BICD1: variants seen among roughly 807,000 people sequenced by gnomAD.
BICD1 encodes BICD cargo adaptor 1.
Under a neutral mutation model 92.5 loss-of-function variants are expected in BICD1, and 35 were observed. The observed-to-expected ratio is 0.38, with a 90% CI of 0.29 to 0.50. BICD1 has a LOEUF of 0.50. Among genes scored for constraint, BICD1 ranks in the 20% least tolerant of loss-of-function variants. The pLI is 0.93. For synonymous variants in BICD1, 429 were observed against 465.1 expected, an observed-to-expected ratio of 0.92 and a Z score of 1.00; for missense variants, 950 against 1,189.8, an observed-to-expected ratio of 0.80 and a Z score of 2.97.
chr12:32,293,612 G>A (rs1369979224), intron 2 of BICD1, among the ~76,000 whole-genome samples: 1 of 152,050 alleles, frequency 6.6e-6, no homozygotes, highest in Non-Finnish European at 1.5e-5. Flanking sequence ...TTACAGGTGT[G>A]AGCCACAGCG....
chr12:32,295,082 G>GAAAAA (rs10647988), intron 3 of BICD1, among the ~76,000 whole-genome samples: 1 of 103,494 alleles, frequency 9.7e-6, no homozygotes, highest in African/African-American at 3.8e-5. Context: ...ATTCCGTCTC[G>GAAAAA]AAAAAAAAAA....
intron 2 of BICD1, among the ~76,000 whole-genome samples, chr12:32,271,148 A>G (rs901631935): frequency 6.6e-6 from 1 of 152,172 alleles, no homozygotes; most frequent in Non-Finnish European, 1.5e-5. Context: ...GAAAGAAAGC[A>G]TGTTCTCATC....
intron 1 of BICD1, 128 bp from the exon 2 acceptor site, chr12:32,216,119 A>C: frequency 1.3e-6 from 1 of 766,416 alleles, no homozygotes; most frequent in Non-Finnish European, 2.1e-6. Context: ...CTAGACTGTT[A>C]TATTTCGGGG....
Position 32,198,237 on chromosome 12 carries a change from G to A in BICD1, c.214-18010G>A, listed in dbSNP as rs1944782407. Reference sequence around the variant, plus strand: ...GAAAAAAAAATTATACTGATGATTTGGGGGAGAGCACCAAATACCCTTAAA... The same window carrying A: ...GAAAAAAAAATTATACTGATGATTTAGGGGAGAGCACCAAATACCCTTAAA... On this transcript the variant is annotated intron_variant, in intron 1 of 9. Transcript: ENST00000652176. Among the ~76,000 whole-genome samples, 5 of 149,958 alleles carry A rather than the reference G, an allele frequency of 3.3e-5. No individual in the cohort carries two copies. The Admixed American group carries it at 3.4e-4, about 10-fold the overall frequency.
At chr12:32,148,353 C>T (rs553544874) in intron 1 of BICD1, among the ~76,000 whole-genome samples, 36 of 152,200 alleles carry the variant, frequency 2.4e-4, no homozygotes, top group African/African-American at 7.0e-4. Context: ...AACAGGCACC[C>T]GGTAAACTGG....
chr12:32,297,934 T>A (rs1188417507), intron 3 of BICD1, among the ~76,000 whole-genome samples: 1 of 151,802 alleles, frequency 6.6e-6, no homozygotes, highest in Non-Finnish European at 1.5e-5. Context: ...GCCTGTAATC[T>A]CAGCACTTTG....
chr12:32,310,222 T>TA (rs1207512774), intron 4 of BICD1, among the ~76,000 whole-genome samples: 1 of 152,068 alleles, frequency 6.6e-6, no homozygotes, highest in African/African-American at 2.4e-5. Flanking sequence ...AATAAAAGAG[T>TA]AGATTTTAAG....
intron 1 of BICD1, among the ~76,000 whole-genome samples, chr12:32,201,795 A>G (rs11051846): frequency 4.0e-5 from 6 of 151,820 alleles, no homozygotes; most frequent in African/African-American, 1.5e-4. Context: ...AAAAAAAAAA[A>G]CACAATCTTT....
intron 8 of BICD1, among the ~76,000 whole-genome samples, chr12:32,365,298 G>A (rs144470232): frequency 6.6e-6 from 1 of 152,056 alleles, no homozygotes; most frequent in South Asian, 2.1e-4. Context: ...TCTAATGAAG[G>A]AAAAAGTGAT....
At chr12:32,296,034 A>G (rs556443909) in intron 3 of BICD1, among the ~76,000 whole-genome samples, 1 of 152,144 alleles carries the variant, frequency 6.6e-6, no homozygotes, top group South Asian at 2.1e-4. Flanking sequence ...GTTTCAGTCC[A>G]TCAAAAAAGG....
chr12:32,200,443 A>G (rs745612356), intron 1 of BICD1, among the ~76,000 whole-genome samples: 30 of 152,256 alleles, frequency 2.0e-4, no homozygotes, highest in Non-Finnish European at 3.8e-4. Flanking sequence ...TTCTTTCTCT[A>G]AGTTCAGAGC....
At chr12:32,215,071 G>A (rs982771618) in intron 1 of BICD1, among the ~76,000 whole-genome samples, 10 of 152,120 alleles carry the variant, frequency 6.6e-5, no homozygotes, top group African/African-American at 2.2e-4. Flanking sequence ...TCTACTAAAA[G>A]GACAAAAATT....
chr12:32,216,529 AGGAATAAC>A, intron 2 of BICD1, 70 bp downstream of exon 2: 1 of 1,496,872 alleles, frequency 6.7e-7, no homozygotes, highest in Non-Finnish European at 9.1e-7. Context: ...CATAGCAGAG[AGGAATAAC>A]ACTTTTGTTT....
chr12:32,225,503 G>A (rs1244078474), intron 2 of BICD1, among the ~76,000 whole-genome samples: 1 of 152,094 alleles, frequency 6.6e-6, no homozygotes, highest in East Asian at 1.9e-4. Context: ...CATATGGTAA[G>A]TGTATGGTTA....
At chr12:32,316,438 G>T (rs1216915442) in intron 4 of BICD1, among the ~76,000 whole-genome samples, 1 of 151,434 alleles carries the variant, frequency 6.6e-6, no homozygotes, top group Admixed American at 6.6e-5. Context: ...ATACAGGCAC[G>T]TGCCACCACG....
At chr12:32,213,527 C>T (rs1295002940) in intron 1 of BICD1, among the ~76,000 whole-genome samples, 1 of 152,206 alleles carries the variant, frequency 6.6e-6, no homozygotes, top group East Asian at 1.9e-4. Context: ...TCCCGTGTAG[C>T]TGGGACCACA....
In BICD1 at chr12:32,233,322, T is replaced by TTAAAAAAA. The variant is rs35803631; in HGVS notation, c.426+16863_426+16864insTAAAAAAA. On this transcript the variant is annotated intron_variant, in intron 2 of 9. Coordinates refer to ENST00000652176, the MANE Select transcript of BICD1 (RefSeq NM_001714.4). Reference sequence around the variant, plus strand: ...GGATGACAGAGCAAGAGTCTGTCTTTAAAAAAAAAAAAAAAAAAGTAGGCT... The same window carrying TTAAAAAAA: ...GGATGACAGAGCAAGAGTCTGTCTTTTAAAAAAAAAAAAAAAAAAAAAAAAAGTAGGCT... Among the ~76,000 whole-genome samples the TTAAAAAAA allele has an allele frequency of 9.0e-3, 1,142 of 127,028 alleles. 41 individuals are homozygous for TTAAAAAAA. Among genetic ancestry groups the TTAAAAAAA allele is most frequent in the Non-Finnish European group, 0.013 (807 of 60,666 alleles). 83.3% of individuals were successfully genotyped at this position (127,028 alleles called of 152,430 possible).
chr12:32,130,144 G>T (rs1942489452), intron 1 of BICD1, among the ~76,000 whole-genome samples: 1 of 152,120 alleles, frequency 6.6e-6, no homozygotes, highest in Admixed American at 6.5e-5. Context: ...TGTAAATTAA[G>T]GAAGTTTACT....
At chr12:32,117,711 T>TACACACACACACACACACACAC (rs747943737) in intron 1 of BICD1, among the ~76,000 whole-genome samples, 4 of 117,020 alleles carry the variant, frequency 3.4e-5, no homozygotes, top group Non-Finnish European at 6.6e-5. Flanking sequence ...CAAATATATA[T>TACACACACACACACACACACAC]ACACACACAC....
Sources: gnomAD v4.1 joint callset for allele counts (sites outside exome capture counted in the v4.1 genomes callset) on GRCh38, gnomAD v4.1.1 for gene constraint, MANE v1.5 for transcripts, NCBI Gene and HGNC (gene_info 2026-07-23, HGNC 2026-07-21) for gene names.